Variants in GLRA3 observed in about 807,000 individuals in gnomAD.
GLRA3 encodes glycine receptor alpha 3, also known as glycine receptor subunit alpha-3.
A neutral mutation model predicts 60.4 loss-of-function variants in GLRA3; 44 were observed. The observed-to-expected ratio is 0.73, with a 90% CI of 0.57 to 0.94. The LOEUF is 0.94. Ranked by LOEUF, GLRA3 falls within the 40% of genes least tolerant of loss-of-function variation. The pLI, the probability that GLRA3 is intolerant of heterozygous loss-of-function variation, is 0.00. For missense variants in GLRA3, 508 were observed against 564.6 expected, an observed-to-expected ratio of 0.90 and a Z score of 1.02; for synonymous variants, 223 against 192.9, an observed-to-expected ratio of 1.16 and a Z score of -1.29.
At chr4:174,757,746 G>A (rs1214726890) in intron 3 of GLRA3, among the ~76,000 whole-genome samples, 1 of 152,168 alleles carries the variant, frequency 6.6e-6, no homozygotes, top group Non-Finnish European at 1.5e-5. Context: ...CCTCAGGTAG[G>A]TGGAACATAA....
At chr4:174,762,907 C>A (rs377166176) in intron 3 of GLRA3, among the ~76,000 whole-genome samples, 2 of 152,118 alleles carry the variant, frequency 1.3e-5, no homozygotes, top group East Asian at 3.9e-4. Flanking sequence ...ACCTCCCACC[C>A]CTGACCAAAG....
chr4:174,659,375 A>G (rs1318826776), intron 7 of GLRA3, among the ~76,000 whole-genome samples, 178 bp from the exon 8 acceptor site: 2 of 152,188 alleles, frequency 1.3e-5, no homozygotes, highest in African/African-American at 2.4e-5. Context: ...TTTATGTATT[A>G]TGAGCATTTT....
intron 2 of GLRA3, among the ~76,000 whole-genome samples, chr4:174,781,328 A>G (rs1445592654): frequency 6.7e-6 from 1 of 149,632 alleles, no homozygotes; most frequent in Non-Finnish European, 1.5e-5. Flanking sequence ...TGTAGAGGGA[A>G]ATTTATAGCA....
intron 2 of GLRA3, among the ~76,000 whole-genome samples, chr4:174,788,520 G>A (rs181401103): frequency 7.0e-6 from 1 of 143,186 alleles, no homozygotes; most frequent in East Asian, 2.0e-4. Flanking sequence ...ATTAAATAAA[G>A]GATACGTACA....
At chr4:174,816,563 A>G (rs1740507442) in intron 1 of GLRA3, among the ~76,000 whole-genome samples, 2 of 152,022 alleles carry the variant, frequency 1.3e-5, no homozygotes, top group Admixed American at 6.5e-5. Context: ...AAGTTACTAA[A>G]AGAATAAATA....
chr4:174,809,404 G>A (rs1221201756), intron 1 of GLRA3, among the ~76,000 whole-genome samples: 2 of 152,106 alleles, frequency 1.3e-5, no homozygotes, highest in East Asian at 1.9e-4. Flanking sequence ...ACAAACGGCT[G>A]TAGTCATAAT....
chr4:174,669,447 A>G (rs1042502102), intron 7 of GLRA3, among the ~76,000 whole-genome samples: 20 of 152,180 alleles, frequency 1.3e-4, no homozygotes, highest in African/African-American at 4.8e-4. Flanking sequence ...ACATTCTGAC[A>G]TTTATTATCC....
At chr4:174,714,644 G>A (rs956658416) in intron 5 of GLRA3, among the ~76,000 whole-genome samples, 1 of 152,286 alleles carries the variant, frequency 6.6e-6, no homozygotes, top group Middle Eastern at 3.4e-3. Context: ...CCTGGAGTCT[G>A]AGGCTCGGCC....
chr4:174,720,658 T>G (rs1320812192), intron 4 of GLRA3, among the ~76,000 whole-genome samples: 2 of 152,172 alleles, frequency 1.3e-5, no homozygotes, highest in Non-Finnish European at 2.9e-5. Context: ...TTTCCAGGGT[T>G]GTTTATGCAG....
At chr4:174,785,847 G>A (rs939471705) in intron 2 of GLRA3, among the ~76,000 whole-genome samples, 18 of 151,670 alleles carry the variant, frequency 1.2e-4, no homozygotes, top group African/African-American at 4.4e-4. Flanking sequence ...ATAGCTCACT[G>A]TAACCTCAAA....
At chr4:174,716,179 G>C (rs28399955) in intron 4 of GLRA3, among the ~76,000 whole-genome samples, 1 of 152,120 alleles carries the variant, frequency 6.6e-6, no homozygotes. Flanking sequence ...GAATCTGGAG[G>C]ACTTGAAAAG....
At chr4:174,686,555 A>G (rs1200918260) in intron 5 of GLRA3, among the ~76,000 whole-genome samples, 5 of 152,204 alleles carry the variant, frequency 3.3e-5, no homozygotes, top group African/African-American at 9.6e-5. Flanking sequence ...TTGAGTACCA[A>G]CTGTAAGGAA....
At chr4:174,731,224 A>G (rs1736532727) in intron 3 of GLRA3, among the ~76,000 whole-genome samples, 1 of 152,202 alleles carries the variant, frequency 6.6e-6, no homozygotes. Flanking sequence ...CAGCATTTCA[A>G]AAATGTTTTT....
chr4:174,665,977 T>A (rs1265780076), intron 7 of GLRA3, among the ~76,000 whole-genome samples: 1 of 152,150 alleles, frequency 6.6e-6, no homozygotes, highest in Admixed American at 6.6e-5. Flanking sequence ...ATTTTAAAGA[T>A]GAGGAAACAG....
At chr4:174,734,735 C>T (rs1053618579) in intron 3 of GLRA3, among the ~76,000 whole-genome samples, 15 of 151,972 alleles carry the variant, frequency 9.9e-5, no homozygotes, top group Non-Finnish European at 1.5e-4. Flanking sequence ...GTAACCTCTG[C>T]GTAAATATAA....
At chr4:174,694,140 G>A (rs961672527) in intron 5 of GLRA3, among the ~76,000 whole-genome samples, 2 of 151,998 alleles carry the variant, frequency 1.3e-5, no homozygotes, top group Non-Finnish European at 2.9e-5. Context: ...ATAATAGCGC[G>A]AGACTTAAAC....
chr4:174,791,717 T>C (rs193141838), intron 1 of GLRA3, among the ~76,000 whole-genome samples: 23 of 152,304 alleles, frequency 1.5e-4, no homozygotes, highest in Admixed American at 3.9e-4. Flanking sequence ...CTTCTATTGA[T>C]TGCATTTTTC....
chr4:174,709,941 A>G (rs1735650135), intron 5 of GLRA3, among the ~76,000 whole-genome samples: 1 of 151,544 alleles, frequency 6.6e-6, no homozygotes, highest in African/African-American at 2.4e-5. Flanking sequence ...ATACCTAAAT[A>G]TTGAAGAAAA....
Position 174,828,876 on chromosome 4 carries a change from A to G in GLRA3, c.-65T>C. ...CCAAGGCATGGGGAACCAGAAAGAC[A>G]GAATGAAAATGTACAATCTAACCCC... On this transcript the variant is annotated 5_prime_UTR_variant, in exon 1 of 10. Transcript: ENST00000274093. 1.2e-5 allele frequency: 13 copies of G among 1,116,768 alleles called. 2 individuals are homozygous for G. The South Asian group carries it at 1.6e-4, about 14-fold the overall frequency. The allele number at this position is 1,116,768 out of a possible 1,614,324, so 69.2% of individuals were successfully genotyped here.
Sources: allele counts gnomAD v4.1 joint callset (sites outside exome capture counted in the v4.1 genomes callset), GRCh38; gene constraint gnomAD v4.1.1; transcripts MANE v1.5; gene names NCBI Gene and HGNC (gene_info 2026-07-23, HGNC 2026-07-21).